Variants in NMU observed in about 807,000 individuals in gnomAD.
The protein encoded by NMU is neuromedin U, also known as neuromedin-U.
In NMU, 29 loss-of-function variants were observed where a neutral mutation model predicts 35.4. The observed-to-expected ratio is 0.82, with a 90% confidence interval of 0.61 to 1.12. The LOEUF (loss-of-function observed/expected upper bound fraction) is 1.12. Ranked by LOEUF, NMU falls within the 50% of genes most tolerant of loss-of-function variation. NMU has a pLI of 0.00. For missense variants in NMU, 199 were observed against 206.2 expected (o/e 0.97, Z 0.21); for synonymous variants, 78 against 81.3 (o/e 0.96, Z 0.22).
intron 1 of NMU, among the ~76,000 whole-genome samples, chr4:55,634,802 G>A (rs911659929): frequency 6.6e-6 from 1 of 152,104 alleles, no homozygotes; most frequent in Non-Finnish European, 1.5e-5. Flanking sequence ...AGAAGGTTTA[G>A]GTCTGCTAGC....
intron 7 of NMU, among the ~76,000 whole-genome samples, chr4:55,604,027 A>ATATATACATGTGTATATATACACATGTAT (rs1733567304): frequency 3.4e-5 from 1 of 29,004 alleles, no homozygotes; most frequent in African/African-American, 1.0e-4. Flanking sequence ...GTATATATAT[A>ATATATACATGTGTATATATACACATGTAT]ATCCTAGAAA....
chr4:55,600,962 T>G (rs1354519473), intron 7 of NMU, among the ~76,000 whole-genome samples: 51 of 152,122 alleles, frequency 3.4e-4, no homozygotes, highest in Non-Finnish European at 4.4e-5. Context: ...TGTTAACCCA[T>G]GAACAGGGGA....
At chr4:55,618,336 A>C (rs1381303350) in intron 2 of NMU, among the ~76,000 whole-genome samples, 3 of 151,982 alleles carry the variant, frequency 2.0e-5, no homozygotes, top group Non-Finnish European at 4.4e-5. Context: ...CCCCGCATGC[A>C]TTAGGTATTT....
intron 1 of NMU, 132 bp downstream of exon 1, chr4:55,635,949 C>T (rs1047116092): frequency 4.8e-6 from 7 of 1,472,470 alleles, no homozygotes; most frequent in African/African-American, 1.4e-5. Flanking sequence ...GGAAACCCCG[C>T]GGCACCAGAG....
At chr4:55,611,341 T>A (rs1327173545) in intron 3 of NMU, among the ~76,000 whole-genome samples, 2 of 152,156 alleles carry the variant, frequency 1.3e-5, no homozygotes, top group African/African-American at 2.4e-5. Flanking sequence ...CCAGCCTGGA[T>A]GACAGAATGA....
rs1195645127 is a variant in NMU, at chr4:55,604,347, T to C, written c.435+928A>G. On this transcript the variant is annotated intron_variant, in intron 7 of 9. Transcript: ENST00000264218. ...TCCCAAAGTGCTGGGATTACAGGCA[T>C]GAGCGACAAGAGTTAGGATTCTTTT... Among the ~76,000 whole-genome samples the C allele has an allele frequency of 2.6e-5, 4 of 152,080 alleles. 1 individual carries two copies. The highest frequency in any genetic ancestry group is 2.0e-4 in the Admixed American group (3 of 15,276).
chr4:55,618,759 TCTCTCTC>T (rs1734226680), intron 2 of NMU, among the ~76,000 whole-genome samples: 2 of 62,170 alleles, frequency 3.2e-5, no homozygotes, highest in South Asian at 8.4e-4. Context: ...CTTTCTTTCT[TCTCTCTC>T]TTTCTTCTCT....
chr4:55,627,491 AAATT>A (rs1186210932), intron 2 of NMU, among the ~76,000 whole-genome samples: 2 of 151,702 alleles, frequency 1.3e-5, no homozygotes, highest in East Asian at 1.9e-4. Context: ...TTATTATATT[AAATT>A]AATTGTTTCA....
intron 9 of NMU, among the ~76,000 whole-genome samples, chr4:55,595,894 C>G (rs946687327): frequency 6.6e-6 from 1 of 151,950 alleles, no homozygotes; most frequent in Admixed American, 6.6e-5. Flanking sequence ...GCCCCTTTGG[C>G]CTCCCAAAGT....
chr4:55,604,534 CTT>C (rs199852859), intron 7 of NMU, among the ~76,000 whole-genome samples: 68 of 136,654 alleles, frequency 5.0e-4, no homozygotes, highest in Middle Eastern at 3.7e-3. Flanking sequence ...CAAACTCTTA[CTT>C]TTTTTTTTTT....
chr4:55,635,051 C>T (rs1396101393), intron 1 of NMU, among the ~76,000 whole-genome samples: 1 of 152,018 alleles, frequency 6.6e-6, no homozygotes, highest in Non-Finnish European at 1.5e-5. Flanking sequence ...TTTTAAGTAC[C>T]CAACGTTCTG....
chr4:55,609,227 A>G (rs1404155332), intron 3 of NMU, 48 bp from the exon 4 acceptor site: 1 of 1,425,774 alleles, frequency 7.0e-7, no homozygotes, highest in Non-Finnish European at 9.9e-7. Flanking sequence ...CTTTAACGAC[A>G]TTTACATAGA....
intron 2 of NMU, among the ~76,000 whole-genome samples, chr4:55,626,302 TC>T (rs1734527903): frequency 6.6e-6 from 1 of 152,266 alleles, no homozygotes; most frequent in South Asian, 2.1e-4. Context: ...ACTGTTCTTA[TC>T]CTTTGACTAT....
intron 7 of NMU, among the ~76,000 whole-genome samples, chr4:55,604,470 T>C (rs1733591875): frequency 6.6e-6 from 1 of 151,900 alleles, no homozygotes; most frequent in Non-Finnish European, 1.5e-5. Context: ...GTCACATTTT[T>C]TGTTGAAAAA....
At chr4:55,631,772 A>G (rs892042585) in intron 1 of NMU, among the ~76,000 whole-genome samples, 1 of 152,246 alleles carries the variant, frequency 6.6e-6, no homozygotes, top group Non-Finnish European at 1.5e-5. Context: ...TTAAAGAACC[A>G]AAAGTAGATC....
At chr4:55,617,629 A>G (rs920653878) in intron 2 of NMU, among the ~76,000 whole-genome samples, 9 of 141,550 alleles carry the variant, frequency 6.4e-5, no homozygotes, top group Admixed American at 2.0e-4. Context: ...TGTGGGGGGG[A>G]AAAAAGTGAA....
Position 55,636,264 on chromosome 4 carries a change from G to A in NMU, c.-72C>T. ...ACGCGTAGCTGGTGCTCCACCTGGT[G>A]CCCTGGCTGTGCCTCGGGGCCCGGA... On this transcript the variant is annotated 5_prime_UTR_variant, in exon 1 of 10. Coordinates refer to ENST00000264218, the MANE Select transcript of NMU (RefSeq NM_006681.4). The surrounding 1 kb of genome is among the most constrained non-coding windows in gnomAD (Gnocchi z 4.0). 7.1e-7 allele frequency: 1 copy of A among 1,404,938 alleles called. No homozygotes were observed. Among genetic ancestry groups the A allele is most frequent in the Non-Finnish European group, 9.2e-7 (1 of 1,089,816 alleles). 87.0% of individuals were successfully genotyped at this position (1,404,938 alleles called of 1,614,324 possible). A position where few individuals can be genotyped will look rare whatever the true frequency, so the allele number is the denominator to read the frequency against.
chr4:55,613,172 G>C lies in NMU; in HGVS notation c.219+3166C>G, dbSNP rs562009651. Among the ~76,000 whole-genome samples the C allele has an allele frequency of 2.4e-4, 36 of 152,194 alleles. No homozygotes were observed. The South Asian group carries it at 6.9e-3, about 29-fold the overall frequency. On this transcript the variant is annotated intron_variant, in intron 3 of 9. Transcript: ENST00000264218. ...TACTTGAGAGTAGAGGGTGGAAAGA[G>C]GGTTAGGATAAAAAAAATACCTATT...
intron 1 of NMU, among the ~76,000 whole-genome samples, chr4:55,634,027 A>C (rs1715768241): frequency 6.6e-6 from 1 of 152,050 alleles, no homozygotes; most frequent in African/African-American, 2.4e-5. Context: ...TGTATGCTCT[A>C]ATTGTTTTTT....
Sources: allele counts gnomAD v4.1 joint callset (sites outside exome capture counted in the v4.1 genomes callset), GRCh38; gene constraint gnomAD v4.1.1; non-coding constraint Gnocchi (gnomAD v3.1); transcripts MANE v1.5; gene names NCBI Gene and HGNC (gene_info 2026-07-23, HGNC 2026-07-21).